The following ZNF618 variants were observed in gnomAD, a reference collection of about 807,000 sequenced individuals.
ZNF618 encodes the protein neural precursor cell expressed, developmentally down-regulated 10.
Under a neutral mutation model 103.0 loss-of-function variants are expected in ZNF618, and 34 were observed. That is an observed-to-expected ratio of 0.33 (90% CI 0.25 to 0.44). The LOEUF (loss-of-function observed/expected upper bound fraction) is 0.44. Ranked by LOEUF, ZNF618 falls within the 20% of genes least tolerant of loss-of-function variation. ZNF618 has a pLI of 1.00. For synonymous variants in ZNF618, 551 were observed against 542.2 expected, an observed-to-expected ratio of 1.02 and a Z score of -0.23; for missense variants, 1,059 against 1,295.4, an observed-to-expected ratio of 0.82 and a Z score of 2.80.
chr9:113,956,696 G>C (rs1234792927), intron 1 of ZNF618, among the ~76,000 whole-genome samples: 2 of 152,170 alleles, frequency 1.3e-5, no homozygotes, highest in Admixed American at 6.5e-5. Flanking sequence ...CTAGGATGTT[G>C]TCCTGTGGTC....
intron 3 of ZNF618, among the ~76,000 whole-genome samples, chr9:113,994,835 CTG>C (rs1433818332): frequency 2.0e-5 from 3 of 151,638 alleles, no homozygotes; most frequent in Admixed American, 1.3e-4. Context: ...ATTTTGAAAA[CTG>C]TATATTCTTT....
intron 1 of ZNF618, among the ~76,000 whole-genome samples, chr9:113,960,705 G>A (rs1426483169): frequency 6.6e-6 from 1 of 152,236 alleles, no homozygotes; most frequent in Non-Finnish European, 1.5e-5. Context: ...TGTCTCTGGG[G>A]CCTCCTGCGG....
intron 13 of ZNF618, among the ~76,000 whole-genome samples, chr9:114,038,641 C>T (rs1158541099): frequency 6.6e-6 from 1 of 152,210 alleles, no homozygotes; most frequent in Non-Finnish European, 1.5e-5. Flanking sequence ...TGTAGGAAAA[C>T]CTGGCGTGCC....
At chr9:113,975,203 G>A (rs939402610) in intron 2 of ZNF618, among the ~76,000 whole-genome samples, 22 of 152,252 alleles carry the variant, frequency 1.4e-4, no homozygotes, top group African/African-American at 4.8e-4. Flanking sequence ...CCAAATATGT[G>A]TCTTGTGTCT....
At chr9:113,980,735 C>T (rs1285824672) in intron 2 of ZNF618, among the ~76,000 whole-genome samples, 2 of 152,056 alleles carry the variant, frequency 1.3e-5, no homozygotes, top group Admixed American at 6.6e-5. Flanking sequence ...TCCAGAAGGC[C>T]GGAGATCCAC....
chr9:113,998,653 A>G (rs1261798752), intron 4 of ZNF618, among the ~76,000 whole-genome samples: 4 of 152,204 alleles, frequency 2.6e-5, no homozygotes, highest in African/African-American at 9.6e-5. Context: ...CCAAGGGGAC[A>G]AAAGGGTTCC....
Position 113,991,391 on chromosome 9 carries a change from T to A in ZNF618, c.337+2811T>A, listed in dbSNP as rs59678464. 6.6e-3 allele frequency among the ~76,000 whole-genome samples: 1,003 copies of A among 152,304 alleles called. 12 individuals carry two copies. Among genetic ancestry groups the A allele is most frequent in the African/African-American group, 0.022 (925 of 41,550 alleles). ...CTGGGATCCTTGGACTGGGAGTGAA[T>A]CCAGGCTCCATGACTTAACTGGTGT... is the stretch of plus-strand genomic sequence containing the variant. On this transcript the variant is annotated intron_variant, in intron 3 of 14. Transcript: ENST00000374126.
intron 2 of ZNF618, among the ~76,000 whole-genome samples, chr9:113,970,454 A>C (rs766293937): frequency 4.6e-5 from 7 of 152,152 alleles, no homozygotes; most frequent in Non-Finnish European, 1.0e-4. Flanking sequence ...TTGTGTGGCA[A>C]ATATTTTACA....
At chr9:113,889,060 G>A (rs896993160) in intron 1 of ZNF618, among the ~76,000 whole-genome samples, 2 of 152,058 alleles carry the variant, frequency 1.3e-5, no homozygotes, top group African/African-American at 2.4e-5. Flanking sequence ...TGTATTAGAC[G>A]GTTATTGCTG....
intron 1 of ZNF618, among the ~76,000 whole-genome samples, chr9:113,878,335 C>T (rs1828154905): frequency 6.6e-6 from 1 of 152,124 alleles, no homozygotes; most frequent in South Asian, 2.1e-4. Flanking sequence ...ACCAACTCAG[C>T]TGGTTTTAGC....
intron 1 of ZNF618, among the ~76,000 whole-genome samples, chr9:113,920,049 G>A (rs1053562283): frequency 4.6e-5 from 7 of 152,182 alleles, no homozygotes; most frequent in African/African-American, 1.7e-4. Flanking sequence ...CAGGGCCCTG[G>A]CCTGAATGTC....
chr9:113,885,701 C>G (rs570118710), intron 1 of ZNF618, among the ~76,000 whole-genome samples: 2 of 152,264 alleles, frequency 1.3e-5, no homozygotes, highest in East Asian at 3.9e-4. Flanking sequence ...GAGGACAGGC[C>G]ATCCTTAAAC....
At chr9:113,990,914 C>T (rs553271491) in intron 3 of ZNF618, among the ~76,000 whole-genome samples, 2 of 152,314 alleles carry the variant, frequency 1.3e-5, no homozygotes, top group African/African-American at 4.8e-5. Flanking sequence ...AGGCCAGGGA[C>T]TGTGTTAATC....
intron 1 of ZNF618, among the ~76,000 whole-genome samples, chr9:113,938,176 T>TG (rs1453180738): frequency 2.8e-5 from 4 of 144,176 alleles, no homozygotes; most frequent in East Asian, 2.0e-4. Flanking sequence ...TTTTTTTTTT[T>TG]TTTTTTTTTT....
intron 1 of ZNF618, among the ~76,000 whole-genome samples, chr9:113,909,073 G>A (rs1564157357): frequency 6.6e-6 from 1 of 151,980 alleles, no homozygotes; most frequent in Non-Finnish European, 1.5e-5. Context: ...CAGGAGTCTG[G>A]GGTTCGAGGC....
chr9:113,963,794 G>T (rs556481169), intron 1 of ZNF618, among the ~76,000 whole-genome samples: 2 of 152,198 alleles, frequency 1.3e-5, no homozygotes, highest in Non-Finnish European at 2.9e-5. Context: ...CCTGTGCCAG[G>T]CCCTGAGCTG....
chr9:114,000,243 C>G (rs1841050391), intron 4 of ZNF618, among the ~76,000 whole-genome samples: 1 of 152,052 alleles, frequency 6.6e-6, no homozygotes, highest in Admixed American at 6.6e-5. Flanking sequence ...CATGATGAAC[C>G]TCGTTGATAC....
intron 1 of ZNF618, among the ~76,000 whole-genome samples, chr9:113,883,235 C>T (rs1420777310): frequency 6.6e-6 from 1 of 152,182 alleles, no homozygotes; most frequent in Non-Finnish European, 1.5e-5. Flanking sequence ...AGCCATGGCT[C>T]CCCTGGAATA....
At chr9:113,927,999 T>C (rs1364445555) in intron 1 of ZNF618, among the ~76,000 whole-genome samples, 1 of 152,192 alleles carries the variant, frequency 6.6e-6, no homozygotes, top group Non-Finnish European at 1.5e-5. Flanking sequence ...TAAAAAGTTG[T>C]TTAGTTTCAG....
Sources: allele counts gnomAD v4.1 joint callset (sites outside exome capture counted in the v4.1 genomes callset), GRCh38; gene constraint gnomAD v4.1.1; transcripts MANE v1.5; gene names NCBI Gene and HGNC (gene_info 2026-07-23, HGNC 2026-07-21).